The following DLGAP2 variants were observed in gnomAD, a reference collection of about 807,000 sequenced individuals.
The protein encoded by DLGAP2 is DLG associated protein 2.
In DLGAP2, 26 loss-of-function variants were observed where a neutral mutation model predicts 100.3. The ratio of observed to expected loss-of-function variants is 0.26; its 90% CI spans 0.19 to 0.36. The LOEUF (loss-of-function observed/expected upper bound fraction) is 0.36. DLGAP2 is among the 10% of genes least tolerant of loss of function. DLGAP2 has a pLI of 1.00. For synonymous variants in DLGAP2, 886 were observed against 630.1 expected (o/e 1.41, Z -6.08); for missense variants, 1,858 against 1,453.2 (o/e 1.28, Z -4.53).
At chr8:1,367,189 G>T (rs1017105102) in intron 3 of DLGAP2, among the ~76,000 whole-genome samples, 1 of 152,218 alleles carries the variant, frequency 6.6e-6, no homozygotes, top group East Asian at 1.9e-4. Context: ...GGAATGGGGG[G>T]TTGGCCATTG....
In DLGAP2 at chr8:1,389,941, C is replaced by G. The variant is rs577775217; in HGVS notation, c.107-111425C>G. ...AGAGGGGCCGCGGAGCACCCAGCTC[C>G]GGCACAGACAGCTCTCCCTCACACG... is the stretch of plus-strand genomic sequence containing the variant. On this transcript the variant is annotated intron_variant, in intron 3 of 14. Transcript: ENST00000637795. Among the ~76,000 whole-genome samples the G allele has an allele frequency of 1.4e-4, 22 of 152,134 alleles. No homozygotes were observed. The East Asian group carries it at 3.9e-3, about 27-fold the overall frequency.
chr8:1,613,312 T>G (rs539915237), intron 6 of DLGAP2, among the ~76,000 whole-genome samples: 117 of 149,364 alleles, frequency 7.8e-4, no homozygotes, highest in Non-Finnish European at 1.3e-3. Flanking sequence ...AAACACCGCA[T>G]ATTCTCACTC....
At chr8:822,441 T>C (rs993149670) in intron 1 of DLGAP2, among the ~76,000 whole-genome samples, 4 of 152,230 alleles carry the variant, frequency 2.6e-5, no homozygotes, top group African/African-American at 4.8e-5. Context: ...TGGATGTTTC[T>C]CTGTTCAAAC....
In DLGAP2 at chr8:977,612, T is replaced by C. The variant is rs1175019240; in HGVS notation, c.73+69646T>C. On this transcript the variant is annotated intron_variant, in intron 2 of 14. Transcript: ENST00000637795. ...GTTTTAACAGGATCCATATTTTAAT[T>C]TATACTTAGTAAACTCTATAAAACT... Among the ~76,000 whole-genome samples the C allele has an allele frequency of 2.0e-5, 3 of 152,256 alleles. No homozygotes were observed. The East Asian group carries it at 5.8e-4, about 29-fold the overall frequency.
chr8:820,153 C>G (rs376345759), intron 1 of DLGAP2, among the ~76,000 whole-genome samples: 2 of 152,296 alleles, frequency 1.3e-5, no homozygotes, highest in African/African-American at 4.8e-5. Flanking sequence ...GTTGGGATAA[C>G]TGGTTATCCA....
In DLGAP2 at chr8:881,342, C is replaced by G. The variant is rs77316974; in HGVS notation, c.19-26570C>G. Among the ~76,000 whole-genome samples, 295 of 152,272 alleles carry G rather than the reference C, an allele frequency of 1.9e-3. 1 individual carries two copies. The highest frequency in any genetic ancestry group is 6.7e-3 in the African/African-American group (280 of 41,562). ...TAGGACGTTTGCCCCGATAATTTGA[C>G]TGGTTGTATCTCTATCTCTGTAAAT... On this transcript the variant is annotated intron_variant, in intron 1 of 14. Coordinates refer to ENST00000637795, the MANE Select transcript of DLGAP2 (RefSeq NM_001346810.2).
chr8:1,496,098 G>T (rs1044197320), intron 3 of DLGAP2, among the ~76,000 whole-genome samples: 1 of 152,132 alleles, frequency 6.6e-6, no homozygotes, highest in African/African-American at 2.4e-5. Flanking sequence ...TGAAAGTCAG[G>T]TTTCTTCTTG....
chr8:1,044,071 T>C (rs1021314123), intron 2 of DLGAP2, among the ~76,000 whole-genome samples: 1 of 152,148 alleles, frequency 6.6e-6, no homozygotes, highest in African/African-American at 2.4e-5. Flanking sequence ...CTGTGTTTTA[T>C]GGCTCACCGG....
chr8:1,657,956 A>AG (rs1798321051), intron 8 of DLGAP2, among the ~76,000 whole-genome samples: 1 of 152,112 alleles, frequency 6.6e-6, no homozygotes, highest in Non-Finnish European at 1.5e-5. Context: ...GAGAGAAAAG[A>AG]CTTCCTTATG....
intron 8 of DLGAP2, among the ~76,000 whole-genome samples, chr8:1,637,050 C>T (rs1375459894): frequency 1.3e-5 from 2 of 152,176 alleles, no homozygotes; most frequent in Non-Finnish European, 2.9e-5. Flanking sequence ...GAGGAATACC[C>T]GTCTGGCCGC....
In DLGAP2 at chr8:1,060,133, C is replaced by A. The variant is rs1390442929; in HGVS notation, c.73+152167C>A. Among the ~76,000 whole-genome samples, 9 of 152,180 alleles carry A rather than the reference C, an allele frequency of 5.9e-5. No homozygotes were observed. The East Asian group carries it at 1.5e-3, about 26-fold the overall frequency. On this transcript the variant is annotated intron_variant, in intron 2 of 14. Transcript: ENST00000637795. ...TCAGATGTGAACCACGGAGTGGGTG[C>A]TTGGAAAAGCCTCAGGGCGTGCGTG...
intron 1 of DLGAP2, among the ~76,000 whole-genome samples, chr8:814,009 T>C (rs1796418729): frequency 6.6e-6 from 1 of 152,116 alleles, no homozygotes; most frequent in South Asian, 2.1e-4. Context: ...TTAATTTTAA[T>C]GGTGACCTCC....
chr8:913,962 A>G (rs755866906), intron 2 of DLGAP2, among the ~76,000 whole-genome samples: 6 of 152,188 alleles, frequency 3.9e-5, no homozygotes, highest in East Asian at 1.9e-4. Context: ...TGCTGCCACA[A>G]TAAGTGGGAA....
At chr8:1,620,548 A>AACCTCC (rs1190885072) in intron 6 of DLGAP2, 1 of 152,414 alleles carries the variant, frequency 6.6e-6, no homozygotes, top group Non-Finnish European at 1.5e-5. Context: ...ACTCAGGTCC[A>AACCTCC]ACCTCCAAAA....
At chr8:783,855 T>C (rs1240818008) in intron 1 of DLGAP2, among the ~76,000 whole-genome samples, 1 of 152,208 alleles carries the variant, frequency 6.6e-6, no homozygotes, top group Non-Finnish European at 1.5e-5. Flanking sequence ...CTCTAATCAA[T>C]GGGCGAAACT....
chr8:1,280,654 A>G (rs78820165), intron 3 of DLGAP2, among the ~76,000 whole-genome samples: 1 of 152,160 alleles, frequency 6.6e-6, no homozygotes, highest in African/African-American at 2.4e-5. Context: ...ACCAGGGCCC[A>G]TGTGAGCAGG....
At chr8:1,472,177 G>GTGA (rs1387117506) in intron 3 of DLGAP2, among the ~76,000 whole-genome samples, 3 of 152,326 alleles carry the variant, frequency 2.0e-5, no homozygotes, top group African/African-American at 7.2e-5. Context: ...CACTGGGGAG[G>GTGA]TGATGCTGGA....
At chr8:1,536,531 T>C (rs889732014) in intron 4 of DLGAP2, among the ~76,000 whole-genome samples, 1 of 152,188 alleles carries the variant, frequency 6.6e-6, no homozygotes, top group Non-Finnish European at 1.5e-5. Flanking sequence ...CACCTTGATC[T>C]GAAAGCATTT....
chr8:989,481 G>A (rs574765361), intron 2 of DLGAP2, among the ~76,000 whole-genome samples: 3 of 152,288 alleles, frequency 2.0e-5, no homozygotes, highest in African/African-American at 7.2e-5. Flanking sequence ...TACATCTGGG[G>A]TTCCAGCTGC....
Sources: allele counts gnomAD v4.1 joint callset (sites outside exome capture counted in the v4.1 genomes callset), GRCh38; gene constraint gnomAD v4.1.1; transcripts MANE v1.5; gene names NCBI Gene and HGNC (gene_info 2026-07-23, HGNC 2026-07-21).